BAIAP2: variants seen among roughly 807,000 people sequenced by gnomAD.
BAIAP2 encodes the protein BAR/IMD domain-containing adapter protein 2.
In BAIAP2, 18 loss-of-function variants were observed where a neutral mutation model predicts 63.0. The observed-to-expected ratio is 0.29, with a 90% CI of 0.20 to 0.42. The LOEUF is 0.42. BAIAP2 is among the 10% of genes least tolerant of loss of function. BAIAP2 has a pLI of 1.00. For missense variants in BAIAP2, 610 were observed against 734.3 expected, an observed-to-expected ratio of 0.83 and a Z score of 1.96; for synonymous variants, 386 against 307.6, an observed-to-expected ratio of 1.25 and a Z score of -2.67.
intron 1 of BAIAP2, among the ~76,000 whole-genome samples, chr17:81,040,698 C>T (rs1474833534): frequency 6.6e-6 from 1 of 152,248 alleles, no homozygotes; most frequent in African/African-American, 2.4e-5. Context: ...CGGGCGGTGG[C>T]CTGGGCCCTC....
At chr17:81,098,111 G>A in intron 6 of BAIAP2, 1 of 1,393,488 alleles carries the variant, frequency 7.2e-7, no homozygotes, top group Non-Finnish European at 9.4e-7. Flanking sequence ...GCGGGGGGTG[G>A]GGAGGCATGC....
chr17:81,039,682 G>A (rs2046819100), intron 1 of BAIAP2, among the ~76,000 whole-genome samples: 1 of 152,042 alleles, frequency 6.6e-6, no homozygotes, highest in Non-Finnish European at 1.5e-5. Context: ...GGCAGTGGGT[G>A]GGGGCTGCTG....
At chr17:81,084,474 C>T (rs964538741) in intron 3 of BAIAP2, among the ~76,000 whole-genome samples, 4 of 152,112 alleles carry the variant, frequency 2.6e-5, no homozygotes, top group Non-Finnish European at 5.9e-5. Flanking sequence ...TGGGTCTCTG[C>T]GAACGACAGC....
At chr17:81,090,738 C>CGGG (rs1213954131) in intron 6 of BAIAP2, among the ~76,000 whole-genome samples, 1 of 152,218 alleles carries the variant, frequency 6.6e-6, no homozygotes, top group East Asian at 1.9e-4. Flanking sequence ...ACGCGCCCCC[C>CGGG]GAGCTGCGGG....
intron 2 of BAIAP2, among the ~76,000 whole-genome samples, chr17:81,055,470 CCCT>C (rs2049322864): frequency 6.6e-6 from 1 of 152,200 alleles, no homozygotes; most frequent in Non-Finnish European, 1.5e-5. Context: ...TCCACCCTGC[CCCT>C]CCTCTACATC....
rs939863579 is a variant in BAIAP2 at position 81,115,998 on chromosome 17, C to G, written c.*159C>G. On this transcript the variant is annotated 3_prime_UTR_variant, in exon 14 of 14. Coordinates refer to ENST00000428708, the MANE Select transcript of BAIAP2 (RefSeq NM_001144888.2). ...TGGCCTGGACTGGATCCCAGCTGTT[C>G]TAGGCAGGGCCGGGCAGAGTGGGGC... The G allele has an allele frequency of 6.8e-6, 10 of 1,474,958 alleles. No individual in the cohort carries two copies. In the African/African-American group the frequency reaches 1.1e-4, roughly 17 times the overall value. The allele number at this position is 1,474,958 out of a possible 1,614,324, so 91.4% of individuals were successfully genotyped here. A position where few individuals can be genotyped will look rare whatever the true frequency, so the allele number is the denominator to read the frequency against.
intron 13 of BAIAP2, chr17:81,109,797 C>T (rs1209512367): frequency 1.0e-6 from 1 of 985,314 alleles, no homozygotes; most frequent in East Asian, 1.1e-4. Context: ...TTCCAAAGAC[C>T]TCCAGAGACC....
In BAIAP2 at chr17:81,057,971, AG is replaced by A; in HGVS notation, c.217+5del. On this transcript the variant is annotated splice_donor_5th_base_variant and intron_variant, in intron 3 of 13. Transcript: ENST00000428708. ...AGCCAGGGCTCCAAAGAACTCGGTG[AG>A]ACCCCCCCCCCCCCCCCGCCTGGTA... The A allele has an allele frequency of 1.5e-6, 1 of 664,806 alleles. No individual in the cohort carries two copies. The highest frequency in any genetic ancestry group is 2.2e-6 in the Non-Finnish European group (1 of 462,418). The allele number at this position is 664,806 out of a possible 1,614,324, so 41.2% of individuals were successfully genotyped here.
chr17:81,059,509 A>G (rs767521077), intron 3 of BAIAP2, among the ~76,000 whole-genome samples: 7 of 152,212 alleles, frequency 4.6e-5, no homozygotes, highest in African/African-American at 7.2e-5. Flanking sequence ...ATGCAGAACT[A>G]TCGTGGCTCA....
chr17:81,059,487 G>A (rs762053428), intron 3 of BAIAP2, among the ~76,000 whole-genome samples: 9 of 152,144 alleles, frequency 5.9e-5, no homozygotes, highest in Admixed American at 2.6e-4. Flanking sequence ...TTGCTCTGTC[G>A]CCCAGGCTGG....
chr17:81,086,293 C>G, intron 5 of BAIAP2, 150 bp from the exon 6 acceptor site: 1 of 970,412 alleles, frequency 1.0e-6, no homozygotes, highest in South Asian at 1.6e-5. Context: ...GCTGAGCATG[C>G]ACGGCCAGAG....
chr17:81,082,464 GA>G (rs1164280485), intron 3 of BAIAP2, among the ~76,000 whole-genome samples: 1 of 152,170 alleles, frequency 6.6e-6, no homozygotes, highest in Non-Finnish European at 1.5e-5. Context: ...TATCTTCCCA[GA>G]AAGGGAAGCC....
At chr17:81,036,962 G>A (rs536223951) in intron 1 of BAIAP2, 3 of 1,535,712 alleles carry the variant, frequency 2.0e-6, no homozygotes, top group South Asian at 1.2e-5. Flanking sequence ...TTGGCAGGGG[G>A]TGAGTACATG....
At chr17:81,068,119 G>A (rs1471552855) in intron 3 of BAIAP2, among the ~76,000 whole-genome samples, 1 of 152,240 alleles carries the variant, frequency 6.6e-6, no homozygotes, top group African/African-American at 2.4e-5. Flanking sequence ...GTTGGCAGAA[G>A]GGTGGGCACG....
At chr17:81,040,448 C>A (rs1436217655) in intron 1 of BAIAP2, among the ~76,000 whole-genome samples, 1 of 152,258 alleles carries the variant, frequency 6.6e-6, no homozygotes, top group Non-Finnish European at 1.5e-5. Context: ...GCCTGTACAG[C>A]TGCACAATGA....
intron 1 of BAIAP2, among the ~76,000 whole-genome samples, chr17:81,041,650 C>A (rs532004486): frequency 1.3e-4 from 20 of 152,200 alleles, no homozygotes; most frequent in Non-Finnish European, 5.9e-5. Flanking sequence ...TCTCGGCTCA[C>A]TGCAACCTCC....
At chr17:81,064,911 C>A (rs1354572038) in intron 3 of BAIAP2, among the ~76,000 whole-genome samples, 1 of 152,220 alleles carries the variant, frequency 6.6e-6, no homozygotes, top group East Asian at 1.9e-4. Flanking sequence ...GCTCCAAGTT[C>A]CGGAAGCTTC....
At chr17:81,101,625 G>A (rs1401249440) in intron 7 of BAIAP2, among the ~76,000 whole-genome samples, 2 of 138,712 alleles carry the variant, frequency 1.4e-5, no homozygotes, top group East Asian at 4.8e-4. Flanking sequence ...TCATGTACGT[G>A]CGCGTGCGTG....
chr17:81,114,078 C>T (rs1249846336), intron 13 of BAIAP2, among the ~76,000 whole-genome samples: 1 of 150,634 alleles, frequency 6.6e-6, no homozygotes. Context: ...GATCCTCCCA[C>T]TTCAGCCCCC....
Sources: gnomAD v4.1 joint callset for allele counts (sites outside exome capture counted in the v4.1 genomes callset) on GRCh38, gnomAD v4.1.1 for gene constraint, MANE v1.5 for transcripts, NCBI Gene and HGNC (gene_info 2026-07-23, HGNC 2026-07-21) for gene names.